PPP1R9A: variants seen among roughly 807,000 people sequenced by gnomAD.
PPP1R9A encodes neurabin-1.
Under a neutral mutation model 141.9 loss-of-function variants are expected in PPP1R9A, and 59 were observed. That is an observed-to-expected ratio of 0.42 (90% CI 0.34 to 0.52). PPP1R9A has a LOEUF of 0.52. Ranked by LOEUF, PPP1R9A falls within the 20% of genes least tolerant of loss-of-function variation. PPP1R9A has a pLI of 0.10. For missense variants in PPP1R9A, 1,444 were observed against 1,611.9 expected (o/e 0.90, Z 1.78); for synonymous variants, 500 against 569.7 (o/e 0.88, Z 1.74).
chr7:95,068,929 G>A (rs1177101472), intron 2 of PPP1R9A, among the ~76,000 whole-genome samples: 2 of 152,122 alleles, frequency 1.3e-5, no homozygotes, highest in Admixed American at 6.5e-5. Flanking sequence ...ATGCAGAGCC[G>A]GCTGTGCAGG....
intron 5 of PPP1R9A, among the ~76,000 whole-genome samples, chr7:95,162,688 T>C (rs1178408900): frequency 6.6e-6 from 1 of 152,230 alleles, no homozygotes; most frequent in African/African-American, 2.4e-5. Context: ...ATTTAGTATG[T>C]GTAATGATGA....
intron 14 of PPP1R9A, 83 bp from the exon 15 acceptor site, chr7:95,273,816 T>C (rs1802640211): frequency 1.6e-6 from 2 of 1,253,214 alleles, no homozygotes; most frequent in African/African-American, 3.0e-5. Flanking sequence ...GCAAAGCCCT[T>C]AGATTCAGAG....
Position 95,115,711 on chromosome 7 carries a change from G to A in PPP1R9A, c.1528+4320G>A, listed in dbSNP as rs1404372359. ...AGATGGGCGGATCACGAAATCAGGA[G>A]GCTGAGACCATCCTGGCTAACACAT... On this transcript the variant is annotated intron_variant, in intron 3 of 19. Transcript: ENST00000433360. Among the ~76,000 whole-genome samples the A allele has an allele frequency of 2.0e-5, 3 of 152,042 alleles. No individual in the cohort carries two copies. In the East Asian group the frequency reaches 5.8e-4, roughly 29 times the overall value.
chr7:95,125,169 C>T (rs191491632), intron 4 of PPP1R9A, among the ~76,000 whole-genome samples: 2 of 152,068 alleles, frequency 1.3e-5, no homozygotes, highest in Admixed American at 6.5e-5. Context: ...TTTTTAGAGG[C>T]GAGGTCTCAC....
At chr7:95,073,956 C>T (rs1448231317) in intron 2 of PPP1R9A, among the ~76,000 whole-genome samples, 1 of 152,100 alleles carries the variant, frequency 6.6e-6, no homozygotes, top group African/African-American at 2.4e-5. Flanking sequence ...CATGAATTTT[C>T]ATTTTAAGAT....
intron 5 of PPP1R9A, among the ~76,000 whole-genome samples, chr7:95,183,208 G>C (rs949272143): frequency 2.6e-5 from 4 of 151,814 alleles, no homozygotes; most frequent in African/African-American, 9.7e-5. Flanking sequence ...TGCAATCTCG[G>C]CTTACTGCAG....
chr7:94,989,786 G>A (rs854743), intron 2 of PPP1R9A, among the ~76,000 whole-genome samples: 89,455 of 151,798 alleles, frequency 0.59, 26,772 homozygotes, highest in African/African-American at 0.68. Flanking sequence ...TTCTTATACA[G>A]ATTATTTCAT....
intron 16 of PPP1R9A, among the ~76,000 whole-genome samples, chr7:95,279,201 C>A (rs1047789055): frequency 6.6e-6 from 1 of 152,150 alleles, no homozygotes; most frequent in Non-Finnish European, 1.5e-5. Context: ...CTCAAAGAGG[C>A]TTTAGATAAA....
chr7:95,108,512 G>A (rs1256965336), intron 2 of PPP1R9A, among the ~76,000 whole-genome samples: 7 of 151,370 alleles, frequency 4.6e-5, no homozygotes, highest in African/African-American at 7.3e-5. Context: ...GGGTTTCACC[G>A]TGTTAGCGAG....
At chr7:94,945,409 A>T (rs1365466405) in intron 2 of PPP1R9A, among the ~76,000 whole-genome samples, 2 of 152,062 alleles carry the variant, frequency 1.3e-5, no homozygotes, top group African/African-American at 4.8e-5. Context: ...TTTCATTGGG[A>T]TGGAGGGACA....
chr7:95,242,796 A>G (rs1021326692), intron 8 of PPP1R9A, among the ~76,000 whole-genome samples: 1 of 152,008 alleles, frequency 6.6e-6, no homozygotes, highest in African/African-American at 2.4e-5. Flanking sequence ...TTTTCTTTTT[A>G]TTTATGCCCT....
chr7:95,143,985 A>G (rs1827158166), intron 4 of PPP1R9A, among the ~76,000 whole-genome samples: 1 of 152,134 alleles, frequency 6.6e-6, no homozygotes, highest in South Asian at 2.1e-4. Flanking sequence ...CAGCTCACAT[A>G]GTTAATTTCG....
intron 12 of PPP1R9A, among the ~76,000 whole-genome samples, chr7:95,258,488 A>G (rs1799947364): frequency 1.3e-5 from 2 of 152,114 alleles, no homozygotes; most frequent in Non-Finnish European, 1.5e-5. Flanking sequence ...AAAAATTCCA[A>G]ATCGTAAAAA....
In PPP1R9A at chr7:95,198,456, A is replaced by G. The variant is rs774073000; in HGVS notation, c.1862A>G (p.Tyr621Cys). The G allele has an allele frequency of 2.5e-6, 4 of 1,602,186 alleles. No homozygotes were observed. The highest frequency in any genetic ancestry group is 3.4e-6 in the Non-Finnish European group (4 of 1,176,364). ...RRQRELLEQHYAQYDADDDEN... is the reference protein window; with the variant it reads ...RRQRELLEQHCAQYDADDDEN... Reference sequence around the variant, plus strand: ...CAGAGAGAGCTGCTGGAACAGCACTATGCCCAGTATGATGCCGACGATGAC... The same window carrying G: ...CAGAGAGAGCTGCTGGAACAGCACTGTGCCCAGTATGATGCCGACGATGAC... The change falls in exon 6 of 20, where the codon TAT (tyrosine) becomes TGT (cysteine). Residue 621 changes from tyrosine (Y) to cysteine (C), a missense_variant. Transcript: ENST00000433360.
At chr7:95,139,863 A>T (rs1209940174) in intron 4 of PPP1R9A, among the ~76,000 whole-genome samples, 2 of 151,634 alleles carry the variant, frequency 1.3e-5, no homozygotes, top group African/African-American at 4.8e-5. Flanking sequence ...TCCCAACCTC[A>T]TCATGAGTAA....
chr7:95,053,277 G>A (rs891162785), intron 2 of PPP1R9A, among the ~76,000 whole-genome samples: 1 of 152,118 alleles, frequency 6.6e-6, no homozygotes, highest in African/African-American at 2.4e-5. Flanking sequence ...AATAGAAATG[G>A]GTTATGGCTT....
chr7:94,926,053 C>T (rs1793441220), intron 2 of PPP1R9A, among the ~76,000 whole-genome samples: 2 of 151,996 alleles, frequency 1.3e-5, no homozygotes, highest in African/African-American at 4.8e-5. Flanking sequence ...GTCTGGAACT[C>T]CTGGGCTCAA....
At chr7:95,166,878 T>C (rs1831346752) in intron 5 of PPP1R9A, among the ~76,000 whole-genome samples, 2 of 152,190 alleles carry the variant, frequency 1.3e-5, no homozygotes, top group Admixed American at 1.3e-4. Context: ...CAATAAAATA[T>C]GCTACATCAC....
At chr7:95,081,965 C>G (rs1815908706) in intron 2 of PPP1R9A, among the ~76,000 whole-genome samples, 1 of 152,288 alleles carries the variant, frequency 6.6e-6, no homozygotes, top group South Asian at 2.1e-4. Context: ...ACCACCTTGG[C>G]AGCCACTTCA....
Sources: gnomAD v4.1 joint callset for allele counts (sites outside exome capture counted in the v4.1 genomes callset) on GRCh38, gnomAD v4.1.1 for gene constraint, MANE v1.5 for transcripts, NCBI Gene and HGNC (gene_info 2026-07-23, HGNC 2026-07-21) for gene names.